The following RNF216 variants were observed in gnomAD, a reference collection of about 807,000 sequenced individuals.
RNF216 encodes the protein ring finger protein 216.
Under a neutral mutation model 110.8 loss-of-function variants are expected in RNF216, and 72 were observed. The observed-to-expected ratio is 0.65, with a 90% CI of 0.54 to 0.79. The LOEUF (loss-of-function observed/expected upper bound fraction) is 0.79, where lower values mean the gene tolerates loss of function less well. RNF216 is among the 30% of genes least tolerant of loss of function. RNF216 has a pLI of 0.00. For synonymous variants in RNF216, 495 were observed against 407.5 expected (o/e 1.21, Z -2.59); for missense variants, 1,342 against 1,141.2 (o/e 1.18, Z -2.54).
intron 2 of RNF216, 150 bp from the exon 3 acceptor site, chr7:5,753,129 A>G (rs900442459): frequency 2.9e-6 from 2 of 680,092 alleles, no homozygotes; most frequent in Admixed American, 7.9e-5. Context: ...CTTAAGCATT[A>G]AGAGCCATGT....
chr7:5,631,180 C>T (rs1019414258), intron 15 of RNF216, among the ~76,000 whole-genome samples: 2 of 152,180 alleles, frequency 1.3e-5, no homozygotes, highest in African/African-American at 4.8e-5. Context: ...AAACGCAGAG[C>T]AAGGGGCTGT....
At chr7:5,758,071 G>C (rs1028887975) in intron 2 of RNF216, among the ~76,000 whole-genome samples, 1 of 152,160 alleles carries the variant, frequency 6.6e-6, no homozygotes, top group Non-Finnish European at 1.5e-5. Flanking sequence ...GATGGGTGCA[G>C]AGTATACATA....
intron 13 of RNF216, among the ~76,000 whole-genome samples, chr7:5,694,888 T>C (rs951918256): frequency 2.6e-5 from 4 of 152,216 alleles, no homozygotes; most frequent in African/African-American, 4.8e-5. Context: ...TTATTTATAA[T>C]CATCTAAAGG....
chr7:5,657,754 T>C (rs901768390), intron 13 of RNF216, among the ~76,000 whole-genome samples: 2 of 152,058 alleles, frequency 1.3e-5, no homozygotes, highest in East Asian at 1.9e-4. Context: ...CCAAATGACA[T>C]ACAGAAGGCC....
chr7:5,767,695 T>C (rs2128676926), intron 1 of RNF216, among the ~76,000 whole-genome samples: 1 of 151,392 alleles, frequency 6.6e-6, no homozygotes, highest in East Asian at 1.9e-4. Context: ...GCCTCCTGGG[T>C]TCAAGCCATT....
At chr7:5,692,086 G>C (rs1371001817) in intron 13 of RNF216, among the ~76,000 whole-genome samples, 2 of 152,322 alleles carry the variant, frequency 1.3e-5, no homozygotes, top group Non-Finnish European at 1.5e-5. Context: ...CTGAAAAATA[G>C]AATGACAGCA....
intron 13 of RNF216, among the ~76,000 whole-genome samples, chr7:5,668,824 C>T (rs1562808137): frequency 1.3e-5 from 2 of 152,100 alleles, no homozygotes; most frequent in East Asian, 1.9e-4. Context: ...AAGATTTGGG[C>T]GTTCTAGTCA....
chr7:5,663,665 C>T (rs1200341529), intron 13 of RNF216, among the ~76,000 whole-genome samples: 1 of 149,696 alleles, frequency 6.7e-6, no homozygotes, highest in African/African-American at 2.5e-5. Flanking sequence ...CTTTGGGAGG[C>T]TGAGGCGGGC....
chr7:5,712,128 C>A (rs1217937503), intron 12 of RNF216, among the ~76,000 whole-genome samples: 2 of 152,208 alleles, frequency 1.3e-5, no homozygotes, highest in East Asian at 3.8e-4. Flanking sequence ...CAGCCCAGGG[C>A]ACCATGATTG....
At chr7:5,668,201 C>G (rs928221547) in intron 13 of RNF216, among the ~76,000 whole-genome samples, 1 of 151,828 alleles carries the variant, frequency 6.6e-6, no homozygotes, top group Non-Finnish European at 1.5e-5. Flanking sequence ...CAAATCCCTT[C>G]TCAGAGTAAA....
chr7:5,707,762 C>T (rs1024503960), intron 13 of RNF216, among the ~76,000 whole-genome samples: 1 of 129,864 alleles, frequency 7.7e-6, no homozygotes, highest in Admixed American at 9.4e-5. Flanking sequence ...CTCACTCTGT[C>T]GCCCAGGCTG....
At chr7:5,753,481 AC>A (rs1415842256) in intron 2 of RNF216, among the ~76,000 whole-genome samples, 17 of 152,350 alleles carry the variant, frequency 1.1e-4, no homozygotes, top group African/African-American at 3.8e-4. Flanking sequence ...TTAGTCAAGC[AC>A]CCATTTAGCA....
intron 13 of RNF216, among the ~76,000 whole-genome samples, chr7:5,684,228 G>A (rs1040208697): frequency 6.0e-5 from 9 of 150,662 alleles, no homozygotes; most frequent in African/African-American, 2.2e-4. Flanking sequence ...TCAGCCTCCG[G>A]AGTAGTTAGG....
chr7:5,697,398 C>G (rs1791696540), intron 13 of RNF216, among the ~76,000 whole-genome samples: 1 of 152,200 alleles, frequency 6.6e-6, no homozygotes, highest in Non-Finnish European at 1.5e-5. Flanking sequence ...TCAACCAAAG[C>G]AGAAATCAGC....
intron 14 of RNF216, among the ~76,000 whole-genome samples, chr7:5,646,329 T>C (rs541854488): frequency 2.6e-5 from 4 of 150,950 alleles, no homozygotes; most frequent in Non-Finnish European, 4.4e-5. Flanking sequence ...GATCGCATCA[T>C]TGCCACTGCA....
intron 3 of RNF216, among the ~76,000 whole-genome samples, chr7:5,747,687 T>C (rs1288497191): frequency 8.0e-6 from 1 of 124,802 alleles, no homozygotes; most frequent in East Asian, 2.4e-4. Flanking sequence ...GACGTGCATG[T>C]TGCAGTGAGT....
intron 9 of RNF216, among the ~76,000 whole-genome samples, chr7:5,717,854 C>T (rs1793161344): frequency 6.6e-6 from 1 of 152,100 alleles, no homozygotes; most frequent in African/African-American, 2.4e-5. Context: ...GCAATCTCAG[C>T]TCACTGCAGC....
intron 15 of RNF216, among the ~76,000 whole-genome samples, chr7:5,633,570 C>T (rs1325205154): frequency 2.0e-5 from 3 of 151,922 alleles, no homozygotes; most frequent in Non-Finnish European, 2.9e-5. Context: ...GGGAGACTCC[C>T]TCTCAAACAA....
intron 13 of RNF216, among the ~76,000 whole-genome samples, chr7:5,708,399 G>T (rs1387328659): frequency 1.3e-5 from 2 of 152,176 alleles, no homozygotes; most frequent in Non-Finnish European, 2.9e-5. Flanking sequence ...ATATTTGGGT[G>T]CACTGATGTC....
Sources: gnomAD v4.1 joint callset for allele counts (sites outside exome capture counted in the v4.1 genomes callset) on GRCh38, gnomAD v4.1.1 for gene constraint, MANE v1.5 for transcripts, NCBI Gene and HGNC (gene_info 2026-07-23, HGNC 2026-07-21) for gene names.